MDGA2: variants seen among roughly 807,000 people sequenced by gnomAD.
MDGA2 encodes MAM domain containing glycosylphosphatidylinositol anchor 2.
A neutral mutation model predicts 117.8 loss-of-function variants in MDGA2; 40 were observed. The observed-to-expected ratio is 0.34, with a 90% CI of 0.26 to 0.44. The LOEUF (loss-of-function observed/expected upper bound fraction) is 0.44, where lower values mean the gene tolerates loss of function less well. Among genes scored for constraint, MDGA2 ranks in the 20% least tolerant of loss-of-function variants. MDGA2 has a pLI of 1.00. For synonymous variants in MDGA2, 452 were observed against 439.0 expected, an observed-to-expected ratio of 1.03 and a Z score of -0.37; for missense variants, 1,123 against 1,250.6, an observed-to-expected ratio of 0.90 and a Z score of 1.54.
chr14:47,626,232 T>G (rs1243284086), intron 1 of MDGA2: 1 of 152,270 alleles, frequency 6.6e-6, no homozygotes, highest in African/African-American at 2.4e-5. Flanking sequence ...TTTGTTTTGG[T>G]AAACTAATCA....
At chr14:47,650,861 T>C (rs1002960209) in intron 1 of MDGA2, among the ~76,000 whole-genome samples, 1 of 152,170 alleles carries the variant, frequency 6.6e-6, no homozygotes, top group Non-Finnish European at 1.5e-5. Context: ...GTAGTGACAG[T>C]TTTCTTTTTG....
intron 8 of MDGA2, among the ~76,000 whole-genome samples, chr14:47,032,191 C>G (rs561363109): frequency 5.3e-5 from 8 of 152,032 alleles, no homozygotes; most frequent in Non-Finnish European, 1.0e-4. Context: ...TATGTATATC[C>G]ACATATGAAT....
chr14:47,048,352 A>C (rs148811298), intron 7 of MDGA2, among the ~76,000 whole-genome samples: 108 of 152,248 alleles, frequency 7.1e-4, no homozygotes, highest in African/African-American at 2.5e-3. Flanking sequence ...TTGAAAAAGA[A>C]AGATGCTTTA....
chr14:47,129,726 T>C (rs1194237913), intron 5 of MDGA2, among the ~76,000 whole-genome samples: 1 of 144,568 alleles, frequency 6.9e-6, no homozygotes, highest in African/African-American at 2.6e-5. Flanking sequence ...AAAGTGTTCC[T>C]ATTTCTCCAC....
intron 6 of MDGA2, among the ~76,000 whole-genome samples, chr14:47,070,172 A>G (rs974079369): frequency 1.3e-5 from 2 of 152,102 alleles, no homozygotes; most frequent in African/African-American, 4.8e-5. Context: ...TTCGTCCTTT[A>G]TAACTATTTT....
intron 1 of MDGA2, among the ~76,000 whole-genome samples, chr14:47,330,457 A>G (rs1377690754): frequency 1.3e-5 from 2 of 151,916 alleles, no homozygotes; most frequent in East Asian, 3.9e-4. Context: ...TCATAATTCA[A>G]TGCACCATTA....
intron 1 of MDGA2, among the ~76,000 whole-genome samples, chr14:47,614,340 T>C: frequency 6.6e-6 from 1 of 152,096 alleles, no homozygotes; most frequent in East Asian, 1.9e-4. Flanking sequence ...TCCACCCACC[T>C]TTGGCTCCCA....
At chr14:47,501,791 G>T (rs991333219) in intron 1 of MDGA2, among the ~76,000 whole-genome samples, 1 of 152,068 alleles carries the variant, frequency 6.6e-6, no homozygotes, top group African/African-American at 2.4e-5. Flanking sequence ...AAGTGGCATG[G>T]CCTTGCTGAA....
At chr14:46,867,569 A>T (rs953489755) in intron 14 of MDGA2, among the ~76,000 whole-genome samples, 1 of 152,056 alleles carries the variant, frequency 6.6e-6, no homozygotes, top group Non-Finnish European at 1.5e-5. Context: ...AAACTTAATG[A>T]TTAGTTAATT....
intron 1 of MDGA2, among the ~76,000 whole-genome samples, chr14:47,502,173 G>T (rs1447786966): frequency 6.6e-6 from 1 of 151,988 alleles, no homozygotes; most frequent in African/African-American, 2.4e-5. Context: ...GGAGGCTAAG[G>T]AACTTTTTCT....
chr14:47,097,167 T>C (rs1880022263), intron 5 of MDGA2, 44 bp from the exon 6 acceptor site: 1 of 1,586,790 alleles, frequency 6.3e-7, no homozygotes, highest in Non-Finnish European at 8.6e-7. Context: ...TTAGATATGC[T>C]ACAACTAGAA....
intron 1 of MDGA2, among the ~76,000 whole-genome samples, chr14:47,407,638 T>C (rs1039712880): frequency 3.0e-4 from 46 of 152,212 alleles, no homozygotes; most frequent in African/African-American, 1.1e-3. Flanking sequence ...TGTAATCAGA[T>C]TTAACCTAAA....
chr14:47,016,721 G>A (rs1350880942), intron 8 of MDGA2, among the ~76,000 whole-genome samples: 1 of 151,852 alleles, frequency 6.6e-6, no homozygotes, highest in Non-Finnish European at 1.5e-5. Flanking sequence ...TAACTAACAT[G>A]AGTATGTTTT....
chr14:47,335,734 T>TTTTATA (rs1255206359), intron 1 of MDGA2, among the ~76,000 whole-genome samples: 8 of 48,014 alleles, frequency 1.7e-4, no homozygotes, highest in Admixed American at 2.4e-4. Flanking sequence ...CACATATATT[T>TTTTATA]TATATATATA....
intron 4 of MDGA2, among the ~76,000 whole-genome samples, chr14:47,139,125 ATTG>A: frequency 6.6e-6 from 1 of 152,244 alleles, no homozygotes; most frequent in African/African-American, 2.4e-5. Flanking sequence ...TAACATTATT[ATTG>A]AAAACATATC....
At chr14:46,856,521 C>G (rs1881275237) in intron 14 of MDGA2, among the ~76,000 whole-genome samples, 1 of 152,000 alleles carries the variant, frequency 6.6e-6, no homozygotes. Flanking sequence ...TCAATGATTT[C>G]TTTTATAGAG....
intron 1 of MDGA2, among the ~76,000 whole-genome samples, chr14:47,535,259 G>A (rs931532040): frequency 2.6e-5 from 4 of 152,122 alleles, no homozygotes; most frequent in East Asian, 1.9e-4. Context: ...GCAGAAACAC[G>A]ATGTCCTTTT....
chr14:47,286,318 T>C (rs1360255247), intron 2 of MDGA2, among the ~76,000 whole-genome samples: 1 of 152,002 alleles, frequency 6.6e-6, no homozygotes, highest in East Asian at 1.9e-4. Context: ...AAACATTAGA[T>C]CTTATTCCTT....
At chr14:47,525,113 C>A (rs1894944402) in intron 1 of MDGA2, among the ~76,000 whole-genome samples, 1 of 152,196 alleles carries the variant, frequency 6.6e-6, no homozygotes, top group Non-Finnish European at 1.5e-5. Context: ...TCACAAATTG[C>A]TTCCTTGCAG....
Sources: allele counts gnomAD v4.1 joint callset (sites outside exome capture counted in the v4.1 genomes callset), GRCh38; gene constraint gnomAD v4.1.1; transcripts MANE v1.5; gene names NCBI Gene and HGNC (gene_info 2026-07-23, HGNC 2026-07-21).